ZNF652: variants seen among roughly 807,000 people sequenced by gnomAD.
ZNF652 encodes the protein zinc finger protein 652.
Under a neutral mutation model 45.2 loss-of-function variants are expected in ZNF652, and 16 were observed. The ratio of observed to expected loss-of-function variants is 0.35; its 90% CI spans 0.24 to 0.54. The LOEUF (loss-of-function observed/expected upper bound fraction) is 0.54. Among genes scored for constraint, ZNF652 ranks in the 20% least tolerant of loss-of-function variants. The pLI is 0.91. For synonymous variants in ZNF652, 250 were observed against 260.6 expected (o/e 0.96, Z 0.39); for missense variants, 614 against 765.6 (o/e 0.80, Z 2.34).
At chr17:49,319,585 A>G (rs2069859756) in intron 1 of ZNF652, among the ~76,000 whole-genome samples, 1 of 142,474 alleles carries the variant, frequency 7.0e-6, no homozygotes, top group Non-Finnish European at 1.5e-5. Context: ...ATGAGCTGAG[A>G]TCGCGCCACT....
At chr17:49,330,656 G>C (rs1157033864) in intron 1 of ZNF652, among the ~76,000 whole-genome samples, 1 of 151,760 alleles carries the variant, frequency 6.6e-6, no homozygotes, top group Non-Finnish European at 1.5e-5. Flanking sequence ...ACCACACCTG[G>C]CCAAAATACA....
intron 1 of ZNF652, among the ~76,000 whole-genome samples, chr17:49,353,908 G>A (rs925972340): frequency 6.6e-6 from 1 of 152,002 alleles, no homozygotes; most frequent in African/African-American, 2.4e-5. Context: ...TGCACCACCT[G>A]GTCTTACAAA....
At chr17:49,349,305 A>G (rs548326320) in intron 1 of ZNF652, among the ~76,000 whole-genome samples, 19 of 152,332 alleles carry the variant, frequency 1.2e-4, no homozygotes, top group African/African-American at 4.6e-4. Flanking sequence ...AGGCTGAGAC[A>G]GCAGAATTGC....
intron 1 of ZNF652, among the ~76,000 whole-genome samples, chr17:49,321,349 T>G (rs1157216255): frequency 6.6e-6 from 1 of 150,432 alleles, no homozygotes; most frequent in Non-Finnish European, 1.5e-5. Flanking sequence ...CTGCAACCTC[T>G]GCCTCCCGGG....
intron 1 of ZNF652, among the ~76,000 whole-genome samples, chr17:49,358,589 A>G (rs1306237195): frequency 1.3e-5 from 2 of 152,234 alleles, no homozygotes; most frequent in Non-Finnish European, 2.9e-5. Flanking sequence ...GGTGACTTCA[A>G]AAGTTCACAT....
At chr17:49,322,941 T>C (rs1181207981) in intron 1 of ZNF652, among the ~76,000 whole-genome samples, 4 of 152,200 alleles carry the variant, frequency 2.6e-5, no homozygotes, top group Admixed American at 2.0e-4. Context: ...CTTCAGTGAA[T>C]CAATCATTTT....
chr17:49,331,546 G>A lies in ZNF652; in HGVS notation c.-258-13563C>T, dbSNP rs77609476. On this transcript the variant is annotated intron_variant, in intron 1 of 5. Coordinates refer to ENST00000430262, the MANE Select transcript of ZNF652 (RefSeq NM_001145365.3). ...ACCTATGATATAATCCACTATGAGA[G>A]ATGTCAAATTGACTAGATCATTGTG... Among the ~76,000 whole-genome samples the A allele has an allele frequency of 9.2e-3, 1,396 of 152,214 alleles. 22 individuals carry two copies. The highest frequency in any genetic ancestry group is 0.032 in the African/African-American group (1,321 of 41,538).
rs1190766955 is a variant in ZNF652 at position 49,317,549 on chromosome 17, A to C, written c.177T>G (p.Tyr59Ter). The C allele has an allele frequency of 6.2e-7, 1 of 1,614,152 alleles. No individual in the cohort carries two copies. The highest frequency in any genetic ancestry group is 1.1e-5 in the South Asian group (1 of 91,082). The change falls in exon 2 of 6, where the codon TAT becomes TAG. Residue 59 changes from tyrosine to a stop codon, truncating the protein, a stop_gained. Transcript: ENST00000430262. LOFTEE classifies it high-confidence loss of function. ...TCATCTTGGTGTCCACTAACACAGA[A>C]TAAGGACTTCCTGATTCCCTTTTGT... is the stretch of plus-strand genomic sequence containing the variant. ...KVYKRESGSP[Y>*]SVLVDTKMSK... is the part of the protein sequence containing the mutation.
intron 1 of ZNF652, among the ~76,000 whole-genome samples, chr17:49,351,878 T>C (rs947900995): frequency 6.6e-6 from 1 of 152,116 alleles, no homozygotes; most frequent in Non-Finnish European, 1.5e-5. Context: ...GCCCAGCTAC[T>C]CAGGGGGCTG....
In ZNF652 at chr17:49,298,718, T is replaced by A; in HGVS notation, c.1516A>T (p.Ile506Phe). The A allele has an allele frequency of 6.2e-7, 1 of 1,613,816 alleles. No homozygotes were observed. Among genetic ancestry groups the A allele is most frequent in the Non-Finnish European group, 8.5e-7 (1 of 1,179,960 alleles). Residue 506 changes from isoleucine (I) to phenylalanine (F), a missense_variant, in exon 6 of 6, where the codon ATC (isoleucine) becomes TTC (phenylalanine). Physicochemically the swap from Ile to Phe is conservative, Grantham distance 21. Coordinates refer to ENST00000430262, the MANE Select transcript of ZNF652 (RefSeq NM_001145365.3). Reference protein sequence around the residue: ...SPVNVPPAVQIPLTTSPATPV... With the variant: ...SPVNVPPAVQFPLTTSPATPV... The stretch of plus-strand genomic sequence containing the variant: ...GTGGCTGGGGAAGTTGTAAGTGGGA[T>A]CTGGACAGCAGGTGGCACATTCACG...
intron 1 of ZNF652, among the ~76,000 whole-genome samples, chr17:49,341,489 C>CAAAAAAA (rs754847307): frequency 3.7e-5 from 3 of 82,174 alleles, no homozygotes; most frequent in African/African-American, 4.7e-5. Context: ...CTCATCTCTA[C>CAAAAAAA]AAAAAAAAAA....
chr17:49,332,125 T>C (rs2070031641), intron 1 of ZNF652, among the ~76,000 whole-genome samples: 1 of 149,710 alleles, frequency 6.7e-6, no homozygotes, highest in African/African-American at 2.5e-5. Flanking sequence ...ATACAAAAAT[T>C]TAGCTGGTGG....
intron 1 of ZNF652, among the ~76,000 whole-genome samples, chr17:49,333,722 G>GAGAAA (rs2070050991): frequency 1.8e-5 from 1 of 56,574 alleles, no homozygotes; most frequent in South Asian, 6.1e-4. Flanking sequence ...TCTGTCTCAA[G>GAGAAA]AAAAAAAAAA....
intron 2 of ZNF652, among the ~76,000 whole-genome samples, chr17:49,315,792 A>T (rs1447375144): frequency 1.3e-5 from 2 of 152,214 alleles, no homozygotes; most frequent in African/African-American, 4.8e-5. Flanking sequence ...AGATCAAGTC[A>T]CAATTGGTGA....
rs1174608026 is a variant in ZNF652, at chr17:49,337,164, T to C, written c.-258-19181A>G. 2.6e-5 allele frequency among the ~76,000 whole-genome samples: 4 copies of C among 151,340 alleles called. No homozygotes were observed. The South Asian group carries it at 6.2e-4, about 24-fold the overall frequency. ...GCCTGGGCAACATGGCGAGATCCCA[T>C]GTCTACAAAAATTTTTTAAAAATTA... On this transcript the variant is annotated intron_variant, in intron 1 of 5. Transcript: ENST00000430262.
chr17:49,361,616 C>A (rs898004282), intron 1 of ZNF652, among the ~76,000 whole-genome samples: 2 of 152,146 alleles, frequency 1.3e-5, no homozygotes, highest in East Asian at 3.9e-4. Flanking sequence ...CCCCTCAGGC[C>A]TCAGGGCGAG....
chr17:49,309,329 TAAAAAAAA>T (rs11307814), intron 5 of ZNF652, among the ~76,000 whole-genome samples: 5 of 66,308 alleles, frequency 7.5e-5, no homozygotes, highest in African/African-American at 1.9e-4. Context: ...CTGTCTCTAC[TAAAAAAAA>T]AAAAAAAAAA....
intron 1 of ZNF652, among the ~76,000 whole-genome samples, chr17:49,356,163 C>T (rs2070333948): frequency 6.6e-6 from 1 of 151,890 alleles, no homozygotes; most frequent in South Asian, 2.1e-4. Flanking sequence ...CGCAGTGGCT[C>T]ACACCTGTAA....
intron 1 of ZNF652, among the ~76,000 whole-genome samples, chr17:49,361,646 C>T (rs569987571): frequency 2.0e-4 from 31 of 152,222 alleles, no homozygotes; most frequent in African/African-American, 6.5e-4. Flanking sequence ...TGCAAAACTG[C>T]AGCCAAGCCC....
Sources: gnomAD v4.1 joint callset for allele counts (sites outside exome capture counted in the v4.1 genomes callset) on GRCh38, gnomAD v4.1.1 for gene constraint, MANE v1.5 for transcripts, NCBI Gene and HGNC (gene_info 2026-07-23, HGNC 2026-07-21) for gene names.